The following TM2D1 variants were observed in gnomAD, a reference collection of about 807,000 sequenced individuals.
TM2D1 encodes the protein TM2 domain-containing protein 1.
A neutral mutation model predicts 28.4 loss-of-function variants in TM2D1; 15 were observed. The observed-to-expected ratio is 0.53, with a 90% CI of 0.35 to 0.81. The LOEUF (loss-of-function observed/expected upper bound fraction) is 0.81. TM2D1 is among the 40% of genes least tolerant of loss of function. The pLI is 0.01. For synonymous variants in TM2D1, 93 were observed against 96.2 expected, an observed-to-expected ratio of 0.97 and a Z score of 0.20; for missense variants, 236 against 254.9, an observed-to-expected ratio of 0.93 and a Z score of 0.50.
chr1:61,685,235 T>C (rs1234263520), intron 5 of TM2D1, among the ~76,000 whole-genome samples: 1 of 152,246 alleles, frequency 6.6e-6, no homozygotes, highest in Non-Finnish European at 1.5e-5. Flanking sequence ...CATGCACATC[T>C]TTTTTAAGTA....
intron 2 of TM2D1, among the ~76,000 whole-genome samples, chr1:61,715,865 G>A (rs12748762): frequency 1.7e-4 from 25 of 150,466 alleles, no homozygotes; most frequent in Non-Finnish European, 2.7e-4. Flanking sequence ...ACAGTGGCGC[G>A]ATCTCGGCTC....
At chr1:61,703,413 AT>A (rs562710565) in intron 3 of TM2D1, among the ~76,000 whole-genome samples, 32,382 of 131,128 alleles carry the variant, frequency 0.25, 3,295 homozygotes, top group South Asian at 0.38. Context: ...GTTTCACATA[AT>A]TTTTTTTTTT....
chr1:61,713,928 G>T (rs999426535), intron 2 of TM2D1, among the ~76,000 whole-genome samples: 1 of 123,424 alleles, frequency 8.1e-6, no homozygotes, highest in Admixed American at 1.1e-4. Context: ...TCGCTCTGTC[G>T]CCCAGGCCGG....
chr1:61,714,792 G>A (rs374302755), intron 2 of TM2D1, among the ~76,000 whole-genome samples: 1 of 152,080 alleles, frequency 6.6e-6, no homozygotes, highest in African/African-American at 2.4e-5. Flanking sequence ...CTGGGCTCAA[G>A]CAATCCACCC....
At chr1:61,691,495 C>CA (rs1183951634) in intron 5 of TM2D1, among the ~76,000 whole-genome samples, 10,261 of 39,182 alleles carry the variant, frequency 0.26, 1,572 homozygotes, top group African/African-American at 0.31. Context: ...AACTCCATCT[C>CA]AAAAAAAAAA....
chr1:61,681,777 A>C (rs1244265032), intron 6 of TM2D1, among the ~76,000 whole-genome samples: 1 of 152,248 alleles, frequency 6.6e-6, no homozygotes, highest in Non-Finnish European at 1.5e-5. Flanking sequence ...GCCTAATACA[A>C]AATGATACAG....
At chr1:61,699,348 C>CA (rs1038013857) in intron 4 of TM2D1, 32 of 141,626 alleles carry the variant, frequency 2.3e-4, no homozygotes, top group East Asian at 6.2e-4. Context: ...CTCTGTCACA[C>CA]AAAAAAAAAA....
chr1:61,723,922 T>C, intron 1 of TM2D1, 136 bp from the exon 2 acceptor site: 1 of 471,048 alleles, frequency 2.1e-6, no homozygotes, highest in Non-Finnish European at 3.8e-6. Flanking sequence ...TCAATAAGCA[T>C]ATGTACAAAT....
chr1:61,719,174 C>T (rs1012100281), intron 2 of TM2D1, among the ~76,000 whole-genome samples: 4 of 151,912 alleles, frequency 2.6e-5, no homozygotes, highest in African/African-American at 9.7e-5. Flanking sequence ...ACTCAGTTAT[C>T]AGCCTCCCAA....
chr1:61,691,932 A>AAAAATATAT, intron 5 of TM2D1, among the ~76,000 whole-genome samples: 6 of 76,398 alleles, frequency 7.9e-5, no homozygotes, highest in Non-Finnish European at 1.3e-4. Context: ...AAAAAAAAAA[A>AAAAATATAT]ATATATATAT....
chr1:61,688,742 CAA>C (rs574994323), intron 5 of TM2D1, among the ~76,000 whole-genome samples: 1 of 138,480 alleles, frequency 7.2e-6, no homozygotes, highest in Admixed American at 7.3e-5. Context: ...CCCCGCCACC[CAA>C]AAAAAAAAAC....
chr1:61,723,546 C>T (rs1034528486), intron 2 of TM2D1, among the ~76,000 whole-genome samples, 167 bp downstream of exon 2: 1 of 152,072 alleles, frequency 6.6e-6, no homozygotes, highest in African/African-American at 2.4e-5. Flanking sequence ...AAATTAAATA[C>T]TGACAACCTC....
intron 4 of TM2D1, among the ~76,000 whole-genome samples, chr1:61,697,167 T>C (rs1644369079): frequency 6.6e-6 from 1 of 152,172 alleles, no homozygotes; most frequent in African/African-American, 2.4e-5. Flanking sequence ...TTGCCTTAAA[T>C]TTCTAGAAAT....
intron 2 of TM2D1, among the ~76,000 whole-genome samples, chr1:61,717,484 C>G (rs1488738145): frequency 6.6e-6 from 1 of 152,146 alleles, no homozygotes; most frequent in Admixed American, 6.6e-5. Flanking sequence ...AGGTTTGGTT[C>G]TGACCAATGT....
chr1:61,724,764 T>G, intron 1 of TM2D1, 193 bp downstream of exon 1: 1 of 527,922 alleles, frequency 1.9e-6, no homozygotes, highest in Non-Finnish European at 3.1e-6. Context: ...CATAAGGAAA[T>G]CACAAAGGGT....
intron 5 of TM2D1, among the ~76,000 whole-genome samples, chr1:61,689,803 G>A (rs2148035992): frequency 6.6e-6 from 1 of 152,256 alleles, no homozygotes; most frequent in East Asian, 1.9e-4. Context: ...ATGCCATAAT[G>A]TATAGTTTAT....
At chr1:61,724,471 C>T (rs1644590488) in intron 1 of TM2D1, 1 of 152,802 alleles carries the variant, frequency 6.5e-6, no homozygotes. Flanking sequence ...TGGCAGTCTA[C>T]CATCTCATGA....
At chr1:61,707,055 G>A (rs1296618517) in intron 3 of TM2D1, among the ~76,000 whole-genome samples, 1 of 152,056 alleles carries the variant, frequency 6.6e-6, no homozygotes, top group East Asian at 1.9e-4. Flanking sequence ...AGAAGTTTGA[G>A]ACCAGCCTGG....
intron 6 of TM2D1, among the ~76,000 whole-genome samples, chr1:61,682,689 G>A (rs1890263): frequency 6.6e-6 from 1 of 152,044 alleles, no homozygotes; most frequent in Admixed American, 6.6e-5. Context: ...CACCTGAAGA[G>A]TTCAAGACTA....
Sources: allele counts gnomAD v4.1 joint callset (sites outside exome capture counted in the v4.1 genomes callset), GRCh38; gene constraint gnomAD v4.1.1; transcripts MANE v1.5; gene names NCBI Gene and HGNC (gene_info 2026-07-23, HGNC 2026-07-21).